COL25A1: variants seen among roughly 807,000 people sequenced by gnomAD.
COL25A1 encodes collagen type XXV alpha 1 chain, also known as collagen alpha-1(XXV) chain.
In COL25A1, 103 loss-of-function variants were observed where a neutral mutation model predicts 128.4. That is an observed-to-expected ratio of 0.80 (90% CI 0.68 to 0.94). The LOEUF (loss-of-function observed/expected upper bound fraction) is 0.94. Ranked by LOEUF, COL25A1 falls within the 40% of genes least tolerant of loss-of-function variation. The pLI, the probability that COL25A1 is intolerant of heterozygous loss-of-function variation, is 0.00. For synonymous variants in COL25A1, 279 were observed against 277.2 expected, an observed-to-expected ratio of 1.01 and a Z score of -0.06; for missense variants, 745 against 840.0, an observed-to-expected ratio of 0.89 and a Z score of 1.40.
At chr4:109,265,633 C>G (rs1375321198) in intron 3 of COL25A1, among the ~76,000 whole-genome samples, 5 of 146,880 alleles carry the variant, frequency 3.4e-5, no homozygotes, top group Non-Finnish European at 7.5e-5. Flanking sequence ...TTCAAGATAC[C>G]ATAACTTGAG....
Position 109,031,451 on chromosome 4 carries a change from C to T in COL25A1, c.420+16717G>A, listed in dbSNP as rs548224003. ...ACTTTTTTTAAAAAAAAAGAATTTA[C>T]GCAAATCACCATTCCTACATTTTCT... is the stretch of plus-strand genomic sequence containing the variant. On this transcript the variant is annotated intron_variant, in intron 5 of 37. Transcript: ENST00000399132. Among the ~76,000 whole-genome samples, 7 of 152,156 alleles carry T rather than the reference C, an allele frequency of 4.6e-5. 1 individual carries two copies. In the South Asian group the frequency reaches 6.2e-4, roughly 14 times the overall value.
At chr4:109,114,808 C>T (rs1767370893) in intron 3 of COL25A1, among the ~76,000 whole-genome samples, 1 of 152,048 alleles carries the variant, frequency 6.6e-6, no homozygotes, top group African/African-American at 2.4e-5. Flanking sequence ...ATTACTGTTG[C>T]ACTTAAATTG....
At chr4:108,935,493 A>G (rs1185009057) in intron 11 of COL25A1, among the ~76,000 whole-genome samples, 1 of 152,190 alleles carries the variant, frequency 6.6e-6, no homozygotes, top group African/African-American at 2.4e-5. Flanking sequence ...TAAAAACAGT[A>G]ATTTTTAAAT....
At chr4:109,195,471 C>T (rs1775961638) in intron 3 of COL25A1, among the ~76,000 whole-genome samples, 1 of 152,140 alleles carries the variant, frequency 6.6e-6, no homozygotes, top group African/African-American at 2.4e-5. Context: ...AGGCACTTCA[C>T]ATGTTGTAAA....
chr4:109,251,118 T>A (rs1007867936), intron 3 of COL25A1, among the ~76,000 whole-genome samples: 1 of 152,158 alleles, frequency 6.6e-6, no homozygotes, highest in Non-Finnish European at 1.5e-5. Context: ...AATAAGGGAA[T>A]AAGGGAAGAA....
At chr4:109,107,262 T>C (rs1766530651) in intron 3 of COL25A1, among the ~76,000 whole-genome samples, 2 of 152,162 alleles carry the variant, frequency 1.3e-5, no homozygotes, top group African/African-American at 2.4e-5. Context: ...GGAAAATTAT[T>C]TTCTAGGAAA....
intron 6 of COL25A1, among the ~76,000 whole-genome samples, chr4:108,974,994 C>T (rs750323239): frequency 6.6e-6 from 1 of 152,164 alleles, no homozygotes; most frequent in African/African-American, 2.4e-5. Flanking sequence ...TAGAGTCCGG[C>T]CTCTTTTGCT....
chr4:109,056,122 T>C (rs1026283506), intron 3 of COL25A1, among the ~76,000 whole-genome samples: 3 of 152,164 alleles, frequency 2.0e-5, no homozygotes, highest in Non-Finnish European at 2.9e-5. Context: ...AGATATACAG[T>C]AATCATTTTA....
At chr4:108,942,749 C>CA (rs776810160) in intron 8 of COL25A1, among the ~76,000 whole-genome samples, 1 of 69,960 alleles carries the variant, frequency 1.4e-5, no homozygotes, top group African/African-American at 6.6e-5. Flanking sequence ...CACATCTGGA[C>CA]TTTTTTTTTT....
At chr4:108,860,254 G>A (rs1737035885) in intron 23 of COL25A1, among the ~76,000 whole-genome samples, 5 of 152,078 alleles carry the variant, frequency 3.3e-5, no homozygotes, top group Admixed American at 3.3e-4. Flanking sequence ...ACCATGACCA[G>A]CTAGTTTTTG....
chr4:109,232,705 G>A (rs1414593269), intron 3 of COL25A1, among the ~76,000 whole-genome samples: 2 of 152,106 alleles, frequency 1.3e-5, no homozygotes, highest in Non-Finnish European at 2.9e-5. Context: ...ATTTGGTCTA[G>A]ACCAGAAAGA....
chr4:108,987,428 T>C (rs140464533), intron 6 of COL25A1, among the ~76,000 whole-genome samples: 1 of 151,500 alleles, frequency 6.6e-6, no homozygotes, highest in African/African-American at 2.4e-5. Flanking sequence ...CAGGCTGGAG[T>C]GCAGTGGCAT....
At chr4:109,152,898 G>A (rs984162733) in intron 3 of COL25A1, among the ~76,000 whole-genome samples, 13 of 152,098 alleles carry the variant, frequency 8.5e-5, no homozygotes, top group Non-Finnish European at 1.5e-4. Context: ...GGTGGAAAAT[G>A]GCGTTTAATG....
intron 3 of COL25A1, among the ~76,000 whole-genome samples, chr4:109,147,291 A>C (rs1771032771): frequency 6.6e-6 from 1 of 152,162 alleles, no homozygotes; most frequent in Non-Finnish European, 1.5e-5. Flanking sequence ...GGAAACAGGA[A>C]AGAGTCTCTG....
intron 32 of COL25A1, among the ~76,000 whole-genome samples, chr4:108,829,522 G>T (rs911021824): frequency 9.2e-5 from 14 of 151,964 alleles, no homozygotes; most frequent in Non-Finnish European, 2.9e-5. Flanking sequence ...CACATAAACT[G>T]GACTATGTCT....
intron 3 of COL25A1, among the ~76,000 whole-genome samples, chr4:109,264,402 G>A (rs889137427): frequency 6.6e-6 from 1 of 152,202 alleles, no homozygotes; most frequent in Non-Finnish European, 1.5e-5. Context: ...AGCAATAATG[G>A]AGTGGGGGAA....
intron 13 of COL25A1, among the ~76,000 whole-genome samples, chr4:108,902,632 T>C (rs904177353): frequency 3.3e-5 from 5 of 152,010 alleles, no homozygotes; most frequent in African/African-American, 1.2e-4. Flanking sequence ...GTGAAGCTTG[T>C]AGTGTCTAGA....
At chr4:108,904,908 ATT>A (rs11288779) in intron 13 of COL25A1, among the ~76,000 whole-genome samples, 2 of 151,372 alleles carry the variant, frequency 1.3e-5, no homozygotes, top group Non-Finnish European at 2.9e-5. Flanking sequence ...TGCTGCTTTC[ATT>A]TTTTTTTTAA....
chr4:108,867,820 C>A (rs1738116193), intron 20 of COL25A1, among the ~76,000 whole-genome samples: 1 of 152,070 alleles, frequency 6.6e-6, no homozygotes, highest in South Asian at 2.1e-4. Context: ...CAGAGCTGTA[C>A]TTTTTATGTC....
Sources: gnomAD v4.1 joint callset for allele counts (sites outside exome capture counted in the v4.1 genomes callset) on GRCh38, gnomAD v4.1.1 for gene constraint, MANE v1.5 for transcripts, NCBI Gene and HGNC (gene_info 2026-07-23, HGNC 2026-07-21) for gene names.